Variants in NCAN observed in about 807,000 individuals in gnomAD.
NCAN encodes the protein neurocan.
A neutral mutation model predicts 121.8 loss-of-function variants in NCAN; 47 were observed. The observed-to-expected ratio is 0.39, with a 90% CI of 0.31 to 0.49. NCAN has a LOEUF of 0.49. Among genes scored for constraint, NCAN ranks in the 20% least tolerant of loss-of-function variants. The pLI, the probability that NCAN is intolerant of heterozygous loss-of-function variation, is 0.92. For missense variants in NCAN, 1,517 were observed against 1,773.4 expected, an observed-to-expected ratio of 0.86 and a Z score of 2.60; for synonymous variants, 633 against 702.0, an observed-to-expected ratio of 0.90 and a Z score of 1.55.
At chr19:19,232,079 C>T (rs2060862115) in intron 8 of NCAN, among the ~76,000 whole-genome samples, 1 of 151,960 alleles carries the variant, frequency 6.6e-6, no homozygotes, top group South Asian at 2.1e-4. Context: ...AAGCTCAATG[C>T]CCAAAGAAAT....
chr19:19,248,541 C>T (rs979125939), intron 13 of NCAN, among the ~76,000 whole-genome samples, 159 bp from the exon 14 acceptor site: 3 of 152,184 alleles, frequency 2.0e-5, no homozygotes, highest in Non-Finnish European at 2.9e-5. Flanking sequence ...AGGAGAATCG[C>T]TTGAACCAGA....
At chr19:19,236,729 CTTTT>C (rs112451049) in intron 10 of NCAN, among the ~76,000 whole-genome samples, 3 of 136,406 alleles carry the variant, frequency 2.2e-5, no homozygotes, top group Non-Finnish European at 3.2e-5. Context: ...TGTGCTTGGC[CTTTT>C]TTTTTTTTTT....
Position 19,250,462 on chromosome 19 carries a change from G to C in NCAN, c.*551G>C, listed in dbSNP as rs975108618. The C allele has an allele frequency of 2.9e-5, 9 of 315,690 alleles. No homozygotes were observed. The highest frequency in any genetic ancestry group is 1.5e-4 in the African/African-American group (7 of 46,148). The allele number at this position is 315,690 out of a possible 1,614,324, so 19.6% of individuals were successfully genotyped here. A position where few individuals can be genotyped will look rare whatever the true frequency, so the allele number is the denominator to read the frequency against. On this transcript the variant is annotated 3_prime_UTR_variant, in exon 15 of 15. Transcript: ENST00000252575. Reference sequence around the variant, plus strand: ...CAGCCCAAGTTCCGTCTTTGGTCTTGGTGGATAAACACACAGTGTGGAGAT... The same window carrying C: ...CAGCCCAAGTTCCGTCTTTGGTCTTCGTGGATAAACACACAGTGTGGAGAT...
intron 3 of NCAN, among the ~76,000 whole-genome samples, chr19:19,219,621 G>C (rs140276926): frequency 7.9e-6 from 1 of 127,070 alleles, no homozygotes; most frequent in South Asian, 2.7e-4. Context: ...TTGAGACTGG[G>C]AGGTTGAGGC....
intron 3 of NCAN, among the ~76,000 whole-genome samples, chr19:19,221,336 G>A (rs746377536): frequency 2.0e-5 from 3 of 151,898 alleles, no homozygotes; most frequent in Non-Finnish European, 2.9e-5. Context: ...TCAGGAGTTC[G>A]AGACCAGCAG....
intron 12 of NCAN, among the ~76,000 whole-genome samples, chr19:19,244,961 C>T (rs2060919011): frequency 6.6e-6 from 1 of 152,016 alleles, no homozygotes; most frequent in Non-Finnish European, 1.5e-5. Context: ...ATCCGCCCAC[C>T]TCGGCCTCCC....
At chr19:19,232,717 G>C (rs2060865088) in intron 8 of NCAN, 1 of 152,242 alleles carries the variant, frequency 6.6e-6, no homozygotes, top group South Asian at 2.1e-4. Flanking sequence ...TAGGACAACT[G>C]AGGGACGACG....
intron 8 of NCAN, among the ~76,000 whole-genome samples, chr19:19,228,900 A>G (rs183279661): frequency 2.6e-5 from 4 of 152,332 alleles, no homozygotes; most frequent in Admixed American, 1.3e-4. Context: ...ATACATCCCA[A>G]TGAACAAAGT....
chr19:19,243,546 A>T (rs568434380), intron 12 of NCAN, among the ~76,000 whole-genome samples: 140 of 151,298 alleles, frequency 9.3e-4, no homozygotes, highest in Middle Eastern at 3.4e-3. Context: ...AAAAAGAAAA[A>T]GTTCTGGAAA....
Position 19,233,793 on chromosome 19 carries a change from C to G in NCAN, c.3024C>G (p.His1008Gln). The change falls in exon 9 of 15, where the codon CAC (histidine) becomes CAG (glutamine). Residue 1008 changes from histidine (H) to glutamine (Q), a missense_variant. By Grantham distance (24) the His-to-Gln change is conservative (BLOSUM62 0). Coordinates refer to ENST00000252575, the MANE Select transcript of NCAN (RefSeq NM_004386.3). ...CACTACCCATCCATCCTGCAGTGCA[C>G]TCAGATCCCTGTGAGAACAACCCTT... is the stretch of plus-strand genomic sequence containing the variant. ...TPMNAGAEEV[H>Q]SDPCENNPCL... is the part of the protein sequence containing the mutation. The G allele has an allele frequency of 6.2e-7, 1 of 1,607,536 alleles. No individual in the cohort carries two copies. The highest frequency in any genetic ancestry group is 8.5e-7 in the Non-Finnish European group (1 of 1,174,104).
intron 10 of NCAN, among the ~76,000 whole-genome samples, chr19:19,237,379 C>T (rs188442908): frequency 6.6e-6 from 1 of 151,798 alleles, no homozygotes; most frequent in Non-Finnish European, 1.5e-5. Flanking sequence ...ATCCCAGGTA[C>T]TTGGGAGGCT....
At position 19,225,173 on chromosome 19, in the gene NCAN, C is replaced by T; in HGVS notation, c.975C>T (p.Cys325=). ...RYPIQTPRRR[C]GGPAPGVRTV... is the part of the protein sequence containing the mutation. ...CGATCCAGACGCCGCGCCGGCGCTG[C>T]GGGGGCCCAGCCCCGGGCGTGCGCA... Residue 325 remains cysteine (C), a synonymous_variant, in exon 6 of 15, where the codon TGC becomes TGT. Transcript: ENST00000252575. This position sits in a 1 kb window ranked among gnomAD's most constrained non-coding sequence, Gnocchi z 4.0. The T allele has an allele frequency of 6.5e-7, 1 of 1,536,658 alleles. No individual in the cohort carries two copies. The highest frequency in any genetic ancestry group is 8.7e-7 in the Non-Finnish European group (1 of 1,152,840).
chr19:19,248,302 A>T (rs1408582015), intron 13 of NCAN, among the ~76,000 whole-genome samples: 1 of 151,978 alleles, frequency 6.6e-6, no homozygotes, highest in East Asian at 1.9e-4. Flanking sequence ...AAAATTAGCC[A>T]GCCATGGTGG....
intron 8 of NCAN, among the ~76,000 whole-genome samples, chr19:19,233,295 T>A (rs774487440): frequency 2.6e-5 from 4 of 151,544 alleles, no homozygotes; most frequent in Non-Finnish European, 2.9e-5. Context: ...AATGGTCAGA[T>A]GCTGCCCTGA....
At position 19,226,517 on chromosome 19, in the gene NCAN, A is replaced by AGAGACCCC; in HGVS notation, c.1105_1112dup (p.Ser372ArgfsTer49). Reference sequence around the variant, plus strand: ...ACCCCACGTCACAACATGGAGACCTAGAGACCCCATCCTCTGGGGATGAGG... The same window carrying AGAGACCCC: ...ACCCCACGTCACAACATGGAGACCTAGAGACCCCGAGACCCCATCCTCTGGGGATGAGG... On this transcript the variant is annotated frameshift_variant, in exon 7 of 15. Coordinates refer to ENST00000252575, the MANE Select transcript of NCAN (RefSeq NM_004386.3). LOFTEE classifies it high-confidence loss of function. 6.2e-7 allele frequency: 1 copy of AGAGACCCC among 1,606,220 alleles called. No individual in the cohort carries two copies. The highest frequency in any genetic ancestry group is 8.5e-7 in the Non-Finnish European group (1 of 1,173,942).
chr19:19,226,154 T>A (rs2060835870), intron 6 of NCAN, among the ~76,000 whole-genome samples: 1 of 152,146 alleles, frequency 6.6e-6, no homozygotes, highest in Admixed American at 6.5e-5. Context: ...GGTCTTGAAC[T>A]CCTGACCTCA....
At chr19:19,233,442 C>T (rs992806113) in intron 8 of NCAN, among the ~76,000 whole-genome samples, 5 of 152,022 alleles carry the variant, frequency 3.3e-5, no homozygotes, top group Non-Finnish European at 7.4e-5. Context: ...AGGGGAAGGA[C>T]ACTGAAGTCA....
In NCAN at chr19:19,227,393, G is replaced by A; in HGVS notation, c.1773G>A (p.Glu591=). The A allele has an allele frequency of 6.2e-7, 1 of 1,613,624 alleles. No homozygotes were observed. Among genetic ancestry groups the A allele is most frequent in the Non-Finnish European group, 8.5e-7 (1 of 1,179,956 alleles). The change falls in exon 8 of 15, where the codon GAG becomes GAA. Residue 591 remains glutamate, a synonymous_variant. Transcript: ENST00000252575. This position sits in a 1 kb window ranked among gnomAD's most constrained non-coding sequence, Gnocchi z 4.2. ...CTGTCCTGGAGCTAGAGAAAGCCGA[G>A]GGCCCCAGTGCCAGGCCAGCCACCC... ...RAPVLELEKA[E]GPSARPATPD...
intron 13 of NCAN, among the ~76,000 whole-genome samples, chr19:19,245,731 G>C (rs1400667713): frequency 6.6e-6 from 1 of 152,106 alleles, no homozygotes; most frequent in African/African-American, 2.4e-5. Context: ...GCCTGTCTCA[G>C]CCTCTCGAAG....
Sources: gnomAD v4.1 joint callset for allele counts (sites outside exome capture counted in the v4.1 genomes callset) on GRCh38, gnomAD v4.1.1 for gene constraint, Gnocchi (gnomAD v3.1) non-coding constraint, MANE v1.5 for transcripts, NCBI Gene and HGNC (gene_info 2026-07-23, HGNC 2026-07-21) for gene names.